The following ADGRV1 variants were observed in gnomAD, a reference collection of about 807,000 sequenced individuals.
The protein encoded by ADGRV1 is adhesion G protein-coupled receptor V1, also known as G-protein coupled receptor 98.
ADGRV1 carries 359 observed loss-of-function variants against 596.2 expected under a neutral mutation model. That is an observed-to-expected ratio of 0.60 (90% CI 0.55 to 0.66). ADGRV1 has a LOEUF of 0.66. Ranked by LOEUF, ADGRV1 falls within the 30% of genes least tolerant of loss-of-function variation. ADGRV1 has a pLI of 0.00. For synonymous variants in ADGRV1, 2,681 were observed against 2,679.2 expected (o/e 1.00, Z -0.02); for missense variants, 7,274 against 7,575.6 (o/e 0.96, Z 1.48).
intron 86 of ADGRV1, among the ~76,000 whole-genome samples, chr5:91,077,746 G>A (rs201396335): frequency 6.6e-6 from 1 of 152,296 alleles, no homozygotes; most frequent in East Asian, 1.9e-4. Flanking sequence ...AATGAGTTAT[G>A]ATAAAGGTAT....
At chr5:90,657,047 C>A (rs1769505154) in intron 20 of ADGRV1, among the ~76,000 whole-genome samples, 1 of 151,978 alleles carries the variant, frequency 6.6e-6, no homozygotes, top group Non-Finnish European at 1.5e-5. Context: ...ATTCTCACAA[C>A]TTTAACTCAA....
intron 1 of ADGRV1, among the ~76,000 whole-genome samples, chr5:90,564,027 T>C (rs1755215585): frequency 6.6e-6 from 1 of 152,224 alleles, no homozygotes; most frequent in Non-Finnish European, 1.5e-5. Context: ...ATAGATGTAC[T>C]TGTGTAATTA....
chr5:90,711,383 G>T, intron 41 of ADGRV1, 61 bp downstream of exon 41: 2 of 1,272,746 alleles, frequency 1.6e-6, no homozygotes, highest in South Asian at 1.8e-5. Flanking sequence ...ATTATTCCTT[G>T]AGAATTACAG....
intron 85 of ADGRV1, among the ~76,000 whole-genome samples, chr5:90,991,083 G>A (rs1780922745): frequency 6.6e-6 from 1 of 152,144 alleles, no homozygotes; most frequent in Non-Finnish European, 1.5e-5. Context: ...TATTGATAGA[G>A]TGATTGGAGT....
intron 74 of ADGRV1, among the ~76,000 whole-genome samples, chr5:90,812,542 T>G (rs1398003782): frequency 6.6e-6 from 1 of 152,200 alleles, no homozygotes; most frequent in East Asian, 1.9e-4. Flanking sequence ...TTAACCATAT[T>G]CACCATTCTG....
chr5:90,998,567 C>A (rs2151097727), intron 85 of ADGRV1, among the ~76,000 whole-genome samples: 1 of 151,886 alleles, frequency 6.6e-6, no homozygotes, highest in Non-Finnish European at 1.5e-5. Context: ...TCTAGTTCTT[C>A]TTTTTATCAT....
intron 84 of ADGRV1, among the ~76,000 whole-genome samples, chr5:90,972,913 G>A (rs1257615325): frequency 6.6e-6 from 1 of 152,110 alleles, no homozygotes; most frequent in Admixed American, 6.6e-5. Flanking sequence ...GAATCCAAGA[G>A]CTGGTTTTTT....
Position 90,839,204 on chromosome 5 carries a change from T to G in ADGRV1, c.16612-1374T>G, listed in dbSNP as rs143386262. On this transcript the variant is annotated intron_variant, in intron 77 of 89. Transcript: ENST00000405460. ...CTCCTATCTACCTCTCTGTTTTTTG[T>G]TTTTGTTTTTTGTTTTGTTTTTTGT... Among the ~76,000 whole-genome samples the G allele has an allele frequency of 2.3e-3, 350 of 152,082 alleles. 3 individuals are homozygous for G. Among genetic ancestry groups the G allele is most frequent in the African/African-American group, 8.0e-3 (333 of 41,476 alleles).
At position 91,079,256 on chromosome 5, in the gene ADGRV1, A is replaced by G. The variant is rs954187033; in HGVS notation, c.18310+6652A>G. 2.6e-5 allele frequency among the ~76,000 whole-genome samples: 4 copies of G among 152,176 alleles called. No homozygotes were observed. The South Asian group carries it at 6.2e-4, about 24-fold the overall frequency. ...AAGGAAAACCCCAGCTTCTCACTCAACCGTGAACAGACACTCCCACTCAAG... is the reference window on the plus strand; with the variant it reads ...AAGGAAAACCCCAGCTTCTCACTCAGCCGTGAACAGACACTCCCACTCAAG... On this transcript the variant is annotated intron_variant, in intron 86 of 89. Coordinates refer to ENST00000405460, the MANE Select transcript of ADGRV1 (RefSeq NM_032119.4).
intron 83 of ADGRV1, among the ~76,000 whole-genome samples, chr5:90,921,143 A>C (rs1773839657): frequency 1.3e-5 from 2 of 152,214 alleles, no homozygotes; most frequent in African/African-American, 4.8e-5. Context: ...TTACAATCAC[A>C]TGCATTTTAA....
Position 90,694,463 on chromosome 5 carries a change from C to CA in ADGRV1, c.7708dup (p.Ile2570AsnfsTer6). ...GACAGCCAAATATTTCTACAGTTGT[C>CA]ATAGCACTAAATGGTGATGCCTTTG... is the stretch of plus-strand genomic sequence containing the variant. On this transcript the variant is annotated frameshift_variant, in exon 33 of 90. Transcript: ENST00000405460. LOFTEE classifies it high-confidence loss of function. 6.2e-7 allele frequency: 1 copy of CA among 1,613,904 alleles called. No individual in the cohort carries two copies. The highest frequency in any genetic ancestry group is 1.3e-5 in the African/African-American group (1 of 75,024).
chr5:90,603,760 C>G (rs11959499), intron 1 of ADGRV1, among the ~76,000 whole-genome samples: 8,756 of 151,662 alleles, frequency 0.058, 845 homozygotes, highest in African/African-American at 0.2. Flanking sequence ...CTAAAGGTTT[C>G]ATGGCATCTG....
At chr5:90,925,281 T>C (rs965165924) in intron 83 of ADGRV1, among the ~76,000 whole-genome samples, 2 of 151,232 alleles carry the variant, frequency 1.3e-5, no homozygotes, top group African/African-American at 4.9e-5. Flanking sequence ...TGTTCTTCCA[T>C]TTGTTTGTAT....
intron 27 of ADGRV1, among the ~76,000 whole-genome samples, chr5:90,681,970 G>A (rs960668881): frequency 1.6e-4 from 24 of 151,958 alleles, no homozygotes; most frequent in Middle Eastern, 3.4e-3. Context: ...GGGTTCAAGC[G>A]ATTCTCCTGC....
At chr5:90,614,770 A>C (rs781397673) in intron 1 of ADGRV1, 65 bp from the exon 2 acceptor site, 10 of 1,150,826 alleles carry the variant, frequency 8.7e-6, no homozygotes, top group Non-Finnish European at 1.3e-5. Context: ...ATCTATAGAC[A>C]ATACAATCTA....
At chr5:90,954,211 A>G (rs1317533635) in intron 83 of ADGRV1, among the ~76,000 whole-genome samples, 2 of 151,600 alleles carry the variant, frequency 1.3e-5, no homozygotes, top group Admixed American at 6.6e-5. Context: ...AAAGATTAAA[A>G]AGCCTGTGGG....
intron 83 of ADGRV1, among the ~76,000 whole-genome samples, chr5:90,883,866 G>T (rs867331848): frequency 6.6e-6 from 1 of 152,104 alleles, no homozygotes; most frequent in Non-Finnish European, 1.5e-5. Flanking sequence ...TGATGGGAGT[G>T]GGCCCCAGTG....
At chr5:90,960,084 A>T (rs1380309705) in intron 83 of ADGRV1, among the ~76,000 whole-genome samples, 1 of 150,390 alleles carries the variant, frequency 6.6e-6, no homozygotes, top group Non-Finnish European at 1.5e-5. Context: ...GCTTGCAGTG[A>T]GCCGAGATCG....
chr5:90,997,436 A>C (rs1346513493), intron 85 of ADGRV1, among the ~76,000 whole-genome samples: 1 of 152,010 alleles, frequency 6.6e-6, no homozygotes, highest in Non-Finnish European at 1.5e-5. Context: ...TTCTGCCATG[A>C]TTGTAAGTTT....
Sources: allele counts gnomAD v4.1 joint callset (sites outside exome capture counted in the v4.1 genomes callset), GRCh38; gene constraint gnomAD v4.1.1; transcripts MANE v1.5; gene names NCBI Gene and HGNC (gene_info 2026-07-23, HGNC 2026-07-21).